The following ENOX1 variants were observed in gnomAD, a reference collection of about 807,000 sequenced individuals.
The protein encoded by ENOX1 is candidate growth-related and time keeping constitutive hydroquinone (NADH) oxidase.
Under a neutral mutation model 82.5 loss-of-function variants are expected in ENOX1, and 42 were observed. The observed-to-expected ratio is 0.51, with a 90% CI of 0.40 to 0.66. The LOEUF is 0.66. ENOX1 is among the 30% of genes least tolerant of loss of function. ENOX1 has a pLI of 0.00. For missense variants in ENOX1, 608 were observed against 811.6 expected, an observed-to-expected ratio of 0.75 and a Z score of 3.05; for synonymous variants, 271 against 282.2, an observed-to-expected ratio of 0.96 and a Z score of 0.40.
At chr13:43,479,942 T>TA (rs199921873) in intron 3 of ENOX1, among the ~76,000 whole-genome samples, 13,308 of 145,246 alleles carry the variant, frequency 0.092, 664 homozygotes, top group East Asian at 0.19. Flanking sequence ...TATTTTTATT[T>TA]TTTTTTTTTT....
intron 14 of ENOX1, among the ~76,000 whole-genome samples, chr13:43,258,497 C>T (rs2043876050): frequency 6.6e-6 from 1 of 152,144 alleles, no homozygotes; most frequent in Non-Finnish European, 1.5e-5. Context: ...AATAATGTTA[C>T]AGGGCTATAA....
intron 2 of ENOX1, among the ~76,000 whole-genome samples, chr13:43,647,925 T>TGCTG (rs1280929292): frequency 4.6e-5 from 7 of 152,282 alleles, no homozygotes; most frequent in Middle Eastern, 3.4e-3. Context: ...GACCCACCAT[T>TGCTG]GCTGGCTTTG....
intron 1 of ENOX1, among the ~76,000 whole-genome samples, chr13:43,716,847 CAG>C (rs1166095745): frequency 6.6e-6 from 1 of 150,864 alleles, no homozygotes; most frequent in East Asian, 1.9e-4. Context: ...AAGATCTCTG[CAG>C]AGAGAACTAC....
At chr13:43,350,892 A>G (rs1256908111) in intron 8 of ENOX1, among the ~76,000 whole-genome samples, 1 of 152,236 alleles carries the variant, frequency 6.6e-6, no homozygotes, top group Admixed American at 6.5e-5. Flanking sequence ...TCTATAAAGG[A>G]ACAATGAGGA....
At chr13:43,275,120 A>C (rs2153485928) in intron 12 of ENOX1, among the ~76,000 whole-genome samples, 1 of 152,332 alleles carries the variant, frequency 6.6e-6, no homozygotes, top group Middle Eastern at 3.4e-3. Flanking sequence ...TGCCAAACTT[A>C]AAAATCCTCC....
Position 43,332,338 on chromosome 13 carries a change from T to C in ENOX1, c.1037-5813A>G, listed in dbSNP as rs535153423. 9.2e-5 allele frequency among the ~76,000 whole-genome samples: 14 copies of C among 152,194 alleles called. No homozygotes were observed. The South Asian group carries it at 2.3e-3, about 25-fold the overall frequency. ...CTTGCATGCACAGTTCACAATAGGG[T>C]TCACGCTCCTGTAAGAATCTAATGC... On this transcript the variant is annotated intron_variant, in intron 9 of 16. Coordinates refer to ENST00000690772, the MANE Select transcript of ENOX1 (RefSeq NM_001347969.2).
chr13:43,739,745 G>C (rs2089810463), intron 1 of ENOX1, among the ~76,000 whole-genome samples: 1 of 151,774 alleles, frequency 6.6e-6, no homozygotes, highest in Non-Finnish European at 1.5e-5. Context: ...AGGTGAGGGA[G>C]GAAGCTGTGT....
intron 1 of ENOX1, among the ~76,000 whole-genome samples, chr13:43,675,897 G>T (rs2085487211): frequency 6.6e-6 from 1 of 152,146 alleles, no homozygotes; most frequent in Non-Finnish European, 1.5e-5. Context: ...CCCATCACAG[G>T]TGCTATTTTA....
At chr13:43,264,325 G>T (rs1436677909) in intron 14 of ENOX1, among the ~76,000 whole-genome samples, 3 of 152,208 alleles carry the variant, frequency 2.0e-5, no homozygotes, top group Admixed American at 1.3e-4. Flanking sequence ...CCTGTATCTT[G>T]TCATGTGTTT....
chr13:43,778,701 C>T (rs9533614), intron 1 of ENOX1, among the ~76,000 whole-genome samples: 45,161 of 152,078 alleles, frequency 0.3, 10,581 homozygotes, highest in African/African-American at 0.65. Flanking sequence ...ATTATTCATA[C>T]TCTTCAATTT....
chr13:43,583,926 C>CA (rs2080863444), intron 2 of ENOX1, among the ~76,000 whole-genome samples: 1 of 151,130 alleles, frequency 6.6e-6, no homozygotes. Context: ...CGCACGAGCA[C>CA]AAAAAAACCC....
intron 14 of ENOX1, among the ~76,000 whole-genome samples, chr13:43,248,822 AC>A (rs923355223): frequency 2.0e-4 from 30 of 151,892 alleles, no homozygotes; most frequent in African/African-American, 6.5e-4. Context: ...TTTATATATA[AC>A]CCCCTCCCAC....
intron 1 of ENOX1, among the ~76,000 whole-genome samples, chr13:43,732,234 A>G (rs1309931461): frequency 1.3e-5 from 2 of 152,216 alleles, no homozygotes; most frequent in East Asian, 1.9e-4. Flanking sequence ...CAGGATGGAT[A>G]AGACGAACTC....
intron 5 of ENOX1, among the ~76,000 whole-genome samples, chr13:43,408,574 C>T (rs1157898672): frequency 2.0e-5 from 3 of 152,164 alleles, no homozygotes; most frequent in South Asian, 4.2e-4. Flanking sequence ...CCAGAGGTGG[C>T]CAGCATGACA....
chr13:43,259,817 G>A (rs2043954957), intron 14 of ENOX1, among the ~76,000 whole-genome samples: 1 of 152,152 alleles, frequency 6.6e-6, no homozygotes, highest in Non-Finnish European at 1.5e-5. Context: ...TGAGGAAGGT[G>A]TGAAACCTTA....
chr13:43,602,111 T>G (rs1259435163), intron 2 of ENOX1, among the ~76,000 whole-genome samples: 3 of 152,038 alleles, frequency 2.0e-5, no homozygotes, highest in African/African-American at 7.2e-5. Context: ...AGGAATAATT[T>G]TATTGTAGAA....
intron 3 of ENOX1, among the ~76,000 whole-genome samples, chr13:43,430,372 C>A (rs934667268): frequency 3.7e-4 from 57 of 152,286 alleles, no homozygotes; most frequent in African/African-American, 1.3e-3. Context: ...TTTGCCCCTG[C>A]CTATTGACCT....
intron 1 of ENOX1, among the ~76,000 whole-genome samples, chr13:43,737,406 A>G (rs576632992): frequency 7.2e-5 from 11 of 152,312 alleles, no homozygotes; most frequent in Admixed American, 1.3e-4. Context: ...GAATCTCTGC[A>G]TTGCTCAGCA....
chr13:43,218,579 T>C (rs1253378998), intron 16 of ENOX1, among the ~76,000 whole-genome samples: 2 of 152,282 alleles, frequency 1.3e-5, no homozygotes, highest in African/African-American at 2.4e-5. Flanking sequence ...TGAGCTGTGA[T>C]TGCTCCACTG....
Sources: allele counts gnomAD v4.1 joint callset (sites outside exome capture counted in the v4.1 genomes callset), GRCh38; gene constraint gnomAD v4.1.1; transcripts MANE v1.5; gene names NCBI Gene and HGNC (gene_info 2026-07-23, HGNC 2026-07-21).